Variants in MED12L observed in about 807,000 individuals in gnomAD.
MED12L encodes mediator of RNA polymerase II transcription subunit 12-like protein.
MED12L carries 60 observed loss-of-function variants against 281.3 expected under a neutral mutation model. The observed-to-expected ratio is 0.21, with a 90% CI of 0.17 to 0.26. The LOEUF is 0.26. Ranked by LOEUF, MED12L falls within the 10% of genes least tolerant of loss-of-function variation. MED12L has a pLI of 1.00. For synonymous variants in MED12L, 974 were observed against 987.2 expected, an observed-to-expected ratio of 0.99 and a Z score of 0.25; for missense variants, 2,146 against 2,680.9, an observed-to-expected ratio of 0.80 and a Z score of 4.41.
At chr3:151,127,702 A>G in intron 4 of MED12L, 123 bp from the exon 5 acceptor site, 2 of 656,174 alleles carry the variant, frequency 3.0e-6, no homozygotes, top group Non-Finnish European at 5.0e-6. Flanking sequence ...CATCAAGGAT[A>G]TACTTTCTTA....
intron 43 of MED12L, among the ~76,000 whole-genome samples, chr3:151,422,953 G>GTTT (rs61502768): frequency 0.011 from 1,497 of 141,010 alleles, 29 homozygotes; most frequent in South Asian, 0.023. Context: ...ACAGAACTAG[G>GTTT]TTTTTTTTTT....
chr3:151,099,895 T>C (rs114875659), intron 2 of MED12L, among the ~76,000 whole-genome samples: 1,586 of 152,140 alleles, frequency 0.01, 14 homozygotes, highest in Non-Finnish European at 0.018. Flanking sequence ...AGATGGAGGA[T>C]CTGGATGACC....
chr3:151,130,058 G>A (rs2148813398), intron 5 of MED12L, among the ~76,000 whole-genome samples: 1 of 151,920 alleles, frequency 6.6e-6, no homozygotes, highest in Non-Finnish European at 1.5e-5. Context: ...GTGAGCCACT[G>A]CCCAACCAGT....
At chr3:151,294,639 A>T in intron 16 of MED12L, 1 of 1,614,200 alleles carries the variant, frequency 6.2e-7, no homozygotes, top group South Asian at 1.1e-5. Flanking sequence ...GCCGTATGCC[A>T]TTTGACCCCC....
chr3:151,345,662 C>T (rs1426911594), intron 16 of MED12L, among the ~76,000 whole-genome samples: 1 of 151,686 alleles, frequency 6.6e-6, no homozygotes, highest in Non-Finnish European at 1.5e-5. Flanking sequence ...AAATTATAGG[C>T]ACCTGCCACC....
intron 16 of MED12L, chr3:151,338,905 A>G: frequency 1.9e-6 from 3 of 1,546,380 alleles, no homozygotes; most frequent in Non-Finnish European, 2.7e-6. Flanking sequence ...TAAGGTAGTT[A>G]TTATTGCTGT....
At chr3:151,322,720 A>G (rs1269019451) in intron 16 of MED12L, among the ~76,000 whole-genome samples, 2 of 152,108 alleles carry the variant, frequency 1.3e-5, no homozygotes, top group African/African-American at 4.8e-5. Flanking sequence ...TATTCAGTAC[A>G]CTGGACTTCC....
At chr3:151,348,114 C>T (rs1384588463) in intron 16 of MED12L, among the ~76,000 whole-genome samples, 1 of 152,024 alleles carries the variant, frequency 6.6e-6, no homozygotes, top group African/African-American at 2.4e-5. Context: ...TTTTTCAGGG[C>T]TCCTAGCATT....
At chr3:151,153,106 G>C (rs1451689040) in intron 5 of MED12L, among the ~76,000 whole-genome samples, 3 of 152,204 alleles carry the variant, frequency 2.0e-5, no homozygotes, top group Non-Finnish European at 4.4e-5. Context: ...AAAGCACTCA[G>C]TGTACTACTG....
chr3:151,355,738 T>C (rs1753837363), intron 18 of MED12L, among the ~76,000 whole-genome samples, 158 bp from the exon 19 acceptor site: 1 of 152,246 alleles, frequency 6.6e-6, no homozygotes, highest in South Asian at 2.1e-4. Context: ...TCATTTTCTT[T>C]GTACATAGTT....
intron 20 of MED12L, among the ~76,000 whole-genome samples, chr3:151,359,030 G>T (rs958061469): frequency 6.6e-6 from 1 of 152,124 alleles, no homozygotes; most frequent in Non-Finnish European, 1.5e-5. Context: ...GAAACCATCA[G>T]GAAGTGAGCA....
chr3:151,304,649 GTGGAGTGTA>G (rs1158518508), intron 16 of MED12L, among the ~76,000 whole-genome samples: 1 of 151,794 alleles, frequency 6.6e-6, no homozygotes, highest in Non-Finnish European at 1.5e-5. Flanking sequence ...TGGCACCGTG[GTGGAGTGTA>G]TAGAGCAAGG....
chr3:151,253,155 A>G (rs1349771806), intron 16 of MED12L, among the ~76,000 whole-genome samples: 2 of 152,240 alleles, frequency 1.3e-5, no homozygotes, highest in African/African-American at 2.4e-5. Context: ...ATCTGGGGTC[A>G]TGACAGGCAC....
chr3:151,414,101 C>T (rs374443330), intron 42 of MED12L, among the ~76,000 whole-genome samples: 83 of 152,306 alleles, frequency 5.4e-4, no homozygotes, highest in African/African-American at 1.9e-3. Flanking sequence ...ATCCGCCCAC[C>T]TCGGCCTCCC....
intron 27 of MED12L, among the ~76,000 whole-genome samples, chr3:151,375,596 C>G (rs73008523): frequency 1.3e-5 from 2 of 151,874 alleles, no homozygotes. Flanking sequence ...AAAGGAAGAT[C>G]GTTTTCTAAA....
chr3:151,253,490 A>G (rs1287408571), intron 16 of MED12L, among the ~76,000 whole-genome samples: 1 of 152,072 alleles, frequency 6.6e-6, no homozygotes, highest in Admixed American at 6.6e-5. Flanking sequence ...GCCCTCTTAA[A>G]TTTCAACTTT....
chr3:151,228,836 G>T (rs1183335156), intron 16 of MED12L, among the ~76,000 whole-genome samples: 2 of 152,126 alleles, frequency 1.3e-5, no homozygotes, highest in East Asian at 1.9e-4. Flanking sequence ...ATTTTTTCCA[G>T]CCTGTTCTTC....
chr3:151,347,146 T>C (rs1234961248), intron 16 of MED12L, among the ~76,000 whole-genome samples: 1 of 124,276 alleles, frequency 8.0e-6, no homozygotes, highest in Non-Finnish European at 1.9e-5. Flanking sequence ...TAGTTCACCC[T>C]ACAAACTTTT....
chr3:151,223,638 G>A (rs4679770), intron 16 of MED12L, among the ~76,000 whole-genome samples: 14 of 152,004 alleles, frequency 9.2e-5, no homozygotes, highest in South Asian at 8.3e-4. Context: ...CTAAACATTG[G>A]ATACACATGG....
Sources: allele counts gnomAD v4.1 joint callset (sites outside exome capture counted in the v4.1 genomes callset), GRCh38; gene constraint gnomAD v4.1.1; transcripts MANE v1.5; gene names NCBI Gene and HGNC (gene_info 2026-07-23, HGNC 2026-07-21).